Variants in CUX2 observed in about 807,000 individuals in gnomAD.
The protein encoded by CUX2 is cut like homeobox 2.
A neutral mutation model predicts 144.8 loss-of-function variants in CUX2; 40 were observed. The observed-to-expected ratio is 0.28, with a 90% CI of 0.21 to 0.36. CUX2 has a LOEUF of 0.36. CUX2 is among the 10% of genes least tolerant of loss of function. The pLI, the probability that CUX2 is intolerant of heterozygous loss-of-function variation, is 1.00. For missense variants in CUX2, 1,615 were observed against 1,994.0 expected (o/e 0.81, Z 3.62); for synonymous variants, 827 against 875.6 (o/e 0.94, Z 0.98).
rs758555199 is a variant in CUX2, at chr12:111,348,313, G to C, written c.4449G>C (p.Glu1483Asp). 1.7e-5 allele frequency: 28 copies of C among 1,610,192 alleles called. No homozygotes were observed. The change falls in exon 22 of 22, where the codon GAG (glutamate) becomes GAC (aspartate). Residue 1483 changes from glutamate to aspartate, a missense_variant. Transcript: ENST00000261726. ...ERAANREEAL[E>D]WEF ...CTGCCAATCGGGAGGAGGCCCTGGA[G>C]TGGGAGTTCTGAAGGCAGGGTGAGG...
chr12:111,164,998 G>A (rs927483545), intron 1 of CUX2, among the ~76,000 whole-genome samples: 3 of 152,170 alleles, frequency 2.0e-5, no homozygotes, highest in Non-Finnish European at 4.4e-5. Flanking sequence ...AGAGCCAAGA[G>A]ACAGAAATCA....
At chr12:111,313,122 C>T (rs973468053) in intron 16 of CUX2, among the ~76,000 whole-genome samples, 13 of 152,044 alleles carry the variant, frequency 8.6e-5, no homozygotes, top group Admixed American at 3.3e-4. Flanking sequence ...AGTGCAGTGG[C>T]GCAGTCTCAG....
chr12:111,076,589 C>T (rs1315134695), intron 1 of CUX2, among the ~76,000 whole-genome samples: 1 of 152,208 alleles, frequency 6.6e-6, no homozygotes, highest in Non-Finnish European at 1.5e-5. Context: ...CTGTGCTCTT[C>T]TGGGGTCTCT....
chr12:111,059,961 C>T lies in CUX2; in HGVS notation c.63+25721C>T, dbSNP rs950435015. Among the ~76,000 whole-genome samples the T allele has an allele frequency of 6.6e-6, 1 of 152,142 alleles. No individual in the cohort carries two copies. Among genetic ancestry groups the T allele is most frequent in the Non-Finnish European group, 1.5e-5 (1 of 68,018 alleles). ...GTCCAGGGCTCCATTTAGAATCACT[C>T]CCGGGAAATCATGGCAGGGAGGTGG... is the stretch of plus-strand genomic sequence containing the variant. On this transcript the variant is annotated intron_variant, in intron 1 of 21. Transcript: ENST00000261726. The surrounding 1 kb of genome is among the most constrained non-coding windows in gnomAD (Gnocchi z 5.3).
intron 1 of CUX2, among the ~76,000 whole-genome samples, chr12:111,185,887 G>C (rs1566280960): frequency 6.6e-6 from 1 of 151,928 alleles, no homozygotes; most frequent in East Asian, 1.9e-4. Context: ...GCAGTAGTTG[G>C]TCTCTCATTC....
chr12:111,134,620 C>CTCTGTGTGTGTGTGTGTG (rs1026548098), intron 1 of CUX2, among the ~76,000 whole-genome samples: 146 of 142,194 alleles, frequency 1.0e-3, no homozygotes, highest in African/African-American at 3.8e-3. Flanking sequence ...CTCTCTCTCT[C>CTCTGTGTGTGTGTGTGTG]TGTGTGTGTG....
intron 2 of CUX2, 77 bp downstream of exon 2, chr12:111,214,387 C>T: frequency 1.2e-6 from 1 of 834,020 alleles, no homozygotes; most frequent in Non-Finnish European, 1.9e-6. Context: ...ATTTTGAAAA[C>T]TGTAGATGCA....
chr12:111,117,253 A>T (rs1874361768), intron 1 of CUX2, among the ~76,000 whole-genome samples: 1 of 152,204 alleles, frequency 6.6e-6, no homozygotes, highest in Non-Finnish European at 1.5e-5. Flanking sequence ...TAACAAAGCA[A>T]CTTTCATACT....
chr12:111,200,148 AC>A (rs1483273842), intron 1 of CUX2, among the ~76,000 whole-genome samples: 1 of 150,004 alleles, frequency 6.7e-6, no homozygotes, highest in Non-Finnish European at 1.5e-5. Context: ...AGGAGAGGAC[AC>A]CCCCTCTTGC....
At chr12:111,042,891 C>T (rs1362547556) in intron 1 of CUX2, among the ~76,000 whole-genome samples, 3 of 152,006 alleles carry the variant, frequency 2.0e-5, no homozygotes, top group Non-Finnish European at 4.4e-5. Context: ...CCAACTCAAC[C>T]TCTCAAAGTG....
chr12:111,265,503 G>A (rs771249707), intron 4 of CUX2, among the ~76,000 whole-genome samples: 5 of 151,474 alleles, frequency 3.3e-5, no homozygotes, highest in Non-Finnish European at 7.4e-5. Flanking sequence ...CACCATTCCC[G>A]GCTAATTTTT....
At chr12:111,333,168 C>T (rs1888195331) in intron 18 of CUX2, among the ~76,000 whole-genome samples, 1 of 152,126 alleles carries the variant, frequency 6.6e-6, no homozygotes, top group Non-Finnish European at 1.5e-5. Context: ...AAGATCATGC[C>T]ACTGCACTTC....
At chr12:111,099,359 G>A (rs1417443377) in intron 1 of CUX2, 1 of 350,740 alleles carries the variant, frequency 2.9e-6, no homozygotes, top group Non-Finnish European at 5.6e-6. Context: ...CTGCATTTTG[G>A]GGTCTAGGCC....
intron 16 of CUX2, among the ~76,000 whole-genome samples, chr12:111,314,118 C>T (rs1384976910): frequency 6.6e-6 from 1 of 152,210 alleles, no homozygotes; most frequent in Non-Finnish European, 1.5e-5. Context: ...AGCCTAATTT[C>T]CCTCTTGGTC....
At chr12:111,314,639 T>TAAA (rs954472479) in intron 16 of CUX2, among the ~76,000 whole-genome samples, 15 of 23,224 alleles carry the variant, frequency 6.5e-4, no homozygotes, top group African/African-American at 1.9e-3. Context: ...AAACTCAGTC[T>TAAA]AAAAAAAAAA....
At chr12:111,062,788 T>C (rs1470734199) in intron 1 of CUX2, among the ~76,000 whole-genome samples, 2 of 152,214 alleles carry the variant, frequency 1.3e-5, no homozygotes, top group African/African-American at 4.8e-5. Context: ...ACTCCTGAGT[T>C]AGCCCAGTGA....
chr12:111,334,409 G>T, intron 18 of CUX2, 32 bp from the exon 19 acceptor site: 1 of 1,543,610 alleles, frequency 6.5e-7, no homozygotes. Flanking sequence ...CCAGATTATA[G>T]TAACCACCTT....
At position 111,073,529 on chromosome 12, in the gene CUX2, A is replaced by C. The variant is rs189533937; in HGVS notation, c.63+39289A>C. Among the ~76,000 whole-genome samples the C allele has an allele frequency of 1.8e-3, 279 of 152,180 alleles. 1 individual carries two copies. The highest frequency in any genetic ancestry group is 3.2e-3 in the Non-Finnish European group (215 of 68,022). On this transcript the variant is annotated intron_variant, in intron 1 of 21. Transcript: ENST00000261726. The stretch of plus-strand genomic sequence containing the variant: ...TCTTGGGTATAAATAAGGGTTTCTC[A>C]GTCTTGACACCATTGATGTTTGGGG...
At chr12:111,155,093 A>G (rs1436394248) in intron 1 of CUX2, among the ~76,000 whole-genome samples, 2 of 152,210 alleles carry the variant, frequency 1.3e-5, no homozygotes, top group African/African-American at 4.8e-5. Flanking sequence ...CAGGTAAGAC[A>G]TAATTGTCAG....
Sources: allele counts gnomAD v4.1 joint callset (sites outside exome capture counted in the v4.1 genomes callset), GRCh38; gene constraint gnomAD v4.1.1; non-coding constraint Gnocchi (gnomAD v3.1); transcripts MANE v1.5; gene names NCBI Gene and HGNC (gene_info 2026-07-23, HGNC 2026-07-21).